The following NCKAP5 variants were observed in gnomAD, a reference collection of about 807,000 sequenced individuals.
NCKAP5 encodes the protein NCK associated protein 5, also known as nck-associated protein 5.
A neutral mutation model predicts 167.0 loss-of-function variants in NCKAP5; 92 were observed. That is an observed-to-expected ratio of 0.55 (90% CI 0.47 to 0.66). The LOEUF is 0.66. Ranked by LOEUF, NCKAP5 falls within the 30% of genes least tolerant of loss-of-function variation. The pLI is 0.00. For synonymous variants in NCKAP5, 891 were observed against 877.4 expected (o/e 1.02, Z -0.27); for missense variants, 2,378 against 2,315.0 (o/e 1.03, Z -0.56).
chr2:132,809,422 A>G (rs183602170), intron 11 of NCKAP5, among the ~76,000 whole-genome samples: 5 of 152,156 alleles, frequency 3.3e-5, no homozygotes, highest in East Asian at 1.9e-4. Context: ...TAGGTCTATT[A>G]GTAATTGTTT....
chr2:133,065,042 A>G (rs780225546), intron 6 of NCKAP5, among the ~76,000 whole-genome samples: 2 of 152,234 alleles, frequency 1.3e-5, no homozygotes, highest in African/African-American at 4.8e-5. Context: ...ACCCATGAAC[A>G]GAGTCATTTA....
intron 4 of NCKAP5, among the ~76,000 whole-genome samples, chr2:133,292,799 A>G (rs1679693952): frequency 6.6e-6 from 1 of 152,188 alleles, no homozygotes; most frequent in South Asian, 2.1e-4. Context: ...CTATCTTTTA[A>G]GTACGAATAT....
Position 132,783,615 on chromosome 2 carries a change from G to A in NCKAP5, c.3196C>T (p.Pro1066Ser), listed in dbSNP as rs751247513. ...TCATGGGTTGAAGGAGAGATCCTGG[G>A]AGTCTGTAATCCTATGTCCCTTTGT... Reference protein sequence around the residue: ...TPQRDIGLQTPRISPSTHEPL... With the variant: ...TPQRDIGLQTSRISPSTHEPL... The change falls in exon 14 of 20, where the codon CCC becomes TCC. Residue 1066 changes from proline (P) to serine (S), a missense_variant. Pro to Ser is a moderately conservative substitution (Grantham distance 74). Transcript: ENST00000409261. The A allele has an allele frequency of 3.7e-6, 6 of 1,613,986 alleles. No individual in the cohort carries two copies. In the African/African-American group the frequency reaches 4.0e-5, roughly 11 times the overall value.
intron 16 of NCKAP5, among the ~76,000 whole-genome samples, chr2:132,733,560 A>G (rs186740134): frequency 2.4e-4 from 37 of 152,332 alleles, no homozygotes; most frequent in Admixed American, 2.1e-3. Flanking sequence ...CACTAAGCAC[A>G]CTGTGAGACA....
chr2:132,862,432 T>C (rs1689984214), intron 10 of NCKAP5, among the ~76,000 whole-genome samples: 1 of 152,188 alleles, frequency 6.6e-6, no homozygotes, highest in Admixed American at 6.5e-5. Context: ...AAATGTCATG[T>C]TCAGAATGAC....
intron 5 of NCKAP5, among the ~76,000 whole-genome samples, chr2:133,203,141 A>G (rs1045048137): frequency 4.6e-5 from 7 of 152,230 alleles, no homozygotes; most frequent in African/African-American, 1.7e-4. Flanking sequence ...GAACCAACCC[A>G]AATGTCCATG....
chr2:133,324,872 T>A (rs1682323559), intron 3 of NCKAP5, among the ~76,000 whole-genome samples: 1 of 152,056 alleles, frequency 6.6e-6, no homozygotes, highest in African/African-American at 2.4e-5. Flanking sequence ...GGCACCCAGA[T>A]AATTTTTGTA....
intron 6 of NCKAP5, among the ~76,000 whole-genome samples, chr2:133,015,270 GT>G (rs1400614262): frequency 6.6e-6 from 1 of 152,114 alleles, no homozygotes; most frequent in African/African-American, 2.4e-5. Context: ...TTTGTCCAAA[GT>G]CATATAGGTA....
At chr2:132,788,408 C>G (rs927778704) in intron 13 of NCKAP5, among the ~76,000 whole-genome samples, 1 of 152,170 alleles carries the variant, frequency 6.6e-6, no homozygotes, top group African/African-American at 2.4e-5. Context: ...ACGTTTCAGG[C>G]TGATTCAACA....
At chr2:133,424,628 G>A (rs1342781643) in intron 3 of NCKAP5, among the ~76,000 whole-genome samples, 1 of 152,188 alleles carries the variant, frequency 6.6e-6, no homozygotes, top group Non-Finnish European at 1.5e-5. Flanking sequence ...AAACAAAAAT[G>A]TAAAAACCTA....
At chr2:133,459,147 C>A (rs1030545491) in intron 3 of NCKAP5, among the ~76,000 whole-genome samples, 5 of 152,144 alleles carry the variant, frequency 3.3e-5, no homozygotes, top group Non-Finnish European at 7.4e-5. Context: ...CATTTGGCAT[C>A]TGGCTAAGGA....
intron 3 of NCKAP5, chr2:133,381,489 T>A (rs1686519342): frequency 6.6e-6 from 1 of 152,184 alleles, no homozygotes; most frequent in Non-Finnish European, 1.5e-5. Flanking sequence ...GCTCCCTCTA[T>A]CCAGAAATGT....
intron 3 of NCKAP5, among the ~76,000 whole-genome samples, chr2:133,328,579 C>A (rs1574712638): frequency 6.6e-6 from 1 of 152,046 alleles, no homozygotes; most frequent in South Asian, 2.1e-4. Context: ...CCTTTGAGAG[C>A]CAAAGTGTTA....
chr2:132,746,551 A>G (rs1315429888), intron 16 of NCKAP5, among the ~76,000 whole-genome samples: 2 of 152,182 alleles, frequency 1.3e-5, no homozygotes, highest in Non-Finnish European at 2.9e-5. Flanking sequence ...AATCAAAATT[A>G]AAAATTTTGT....
At chr2:133,048,039 A>G (rs776508339) in intron 6 of NCKAP5, among the ~76,000 whole-genome samples, 2 of 152,220 alleles carry the variant, frequency 1.3e-5, no homozygotes, top group Non-Finnish European at 2.9e-5. Context: ...ATTCAGGTTC[A>G]TGTCTCCTTT....
chr2:133,290,728 C>CTTTTT (rs58758295), intron 4 of NCKAP5, among the ~76,000 whole-genome samples: 114 of 89,236 alleles, frequency 1.3e-3, no homozygotes, highest in Non-Finnish European at 1.7e-3. Context: ...AGAATTTCTC[C>CTTTTT]TTTTTTTTTT....
chr2:132,861,741 C>A (rs1264283513), intron 10 of NCKAP5, among the ~76,000 whole-genome samples: 1 of 152,206 alleles, frequency 6.6e-6, no homozygotes, highest in East Asian at 1.9e-4. Flanking sequence ...TTTCTGAACT[C>A]CCATCAGCCC....
chr2:132,776,643 T>C (rs1682575161), intron 15 of NCKAP5, among the ~76,000 whole-genome samples: 1 of 152,096 alleles, frequency 6.6e-6, no homozygotes, highest in Admixed American at 6.5e-5. Context: ...AGTGCCATAC[T>C]TGTCAATTCT....
intron 3 of NCKAP5, among the ~76,000 whole-genome samples, chr2:133,389,157 C>A (rs1687220694): frequency 6.6e-6 from 1 of 152,222 alleles, no homozygotes; most frequent in Admixed American, 6.5e-5. Context: ...TGGAGCTGCT[C>A]CTGTTCGGCC....
Sources: gnomAD v4.1 joint callset for allele counts (sites outside exome capture counted in the v4.1 genomes callset) on GRCh38, gnomAD v4.1.1 for gene constraint, MANE v1.5 for transcripts, NCBI Gene and HGNC (gene_info 2026-07-23, HGNC 2026-07-21) for gene names.